RHOU: variants seen among roughly 807,000 people sequenced by gnomAD.
RHOU encodes rho-related GTP-binding protein RhoU.
RHOU carries 8 observed loss-of-function variants against 12.6 expected under a neutral mutation model. The ratio of observed to expected loss-of-function variants is 0.64; its 90% CI spans 0.37 to 1.15. The LOEUF is 1.15. Among genes scored for constraint, RHOU ranks in the 50% most tolerant of loss-of-function variants. The pLI is 0.01. For missense variants in RHOU, 258 were observed against 347.0 expected (o/e 0.74, Z 2.04); for synonymous variants, 161 against 147.4 (o/e 1.09, Z -0.67).
chr1:228,725,181 T>C, the RHOU span, among the ~76,000 whole-genome samples: 1 of 152,216 alleles, frequency 6.6e-6, no homozygotes, highest in African/African-American at 2.4e-5. Context: ...CTTCTTGGAA[T>C]ATGTGCAGGA....
the RHOU span, among the ~76,000 whole-genome samples, chr1:228,718,960 A>C: frequency 1.3e-5 from 2 of 152,342 alleles, no homozygotes; most frequent in African/African-American, 4.8e-5. Flanking sequence ...TGAGAGATCA[A>C]AAGGAAGTAT....
the RHOU span, among the ~76,000 whole-genome samples, chr1:228,717,897 G>A: frequency 2.0e-5 from 3 of 152,148 alleles, no homozygotes; most frequent in African/African-American, 7.2e-5. Flanking sequence ...AAAAATTCGG[G>A]TAATTCCATG....
the RHOU span, among the ~76,000 whole-genome samples, chr1:228,684,361 C>A: frequency 6.6e-6 from 1 of 150,714 alleles, no homozygotes; most frequent in African/African-American, 2.4e-5. Context: ...GACTAGGTCT[C>A]ATGTGTCATC....
the RHOU span, among the ~76,000 whole-genome samples, chr1:228,660,972 C>A: frequency 3.3e-5 from 5 of 149,932 alleles, no homozygotes; most frequent in African/African-American, 1.2e-4. Flanking sequence ...AGCTGATAAG[C>A]AACTTCAGCA....
chr1:228,743,214 A>G lies in RHOU; in HGVS notation c.322-71A>G, dbSNP rs41270191. 1 of 1,373,310 alleles carries G rather than the reference A, an allele frequency of 7.3e-7. No homozygotes were observed. The highest frequency in any genetic ancestry group is 1.0e-6 in the Non-Finnish European group (1 of 973,224). The allele number at this position is 1,373,310 out of a possible 1,614,324, so 85.1% of individuals were successfully genotyped here. On this transcript the variant is annotated intron_variant, in intron 2 of 2. Coordinates refer to ENST00000366691, the MANE Select transcript of RHOU (RefSeq NM_021205.6). This position sits in a 1 kb window ranked among gnomAD's most constrained non-coding sequence, Gnocchi z 5.1. The stretch of plus-strand genomic sequence containing the variant: ...CACCTGCCAGACCCTTTCATGAAAA[A>G]TGTGAAGGTGATCTTTTTACTGATG...
chr1:228,662,970 C>T, the RHOU span, among the ~76,000 whole-genome samples: 12 of 152,292 alleles, frequency 7.9e-5, no homozygotes, highest in East Asian at 2.3e-3. Context: ...TCTGGCTGCT[C>T]TTGGTGGATG....
At chr1:228,739,077 T>C (rs904089049) in intron 2 of RHOU, among the ~76,000 whole-genome samples, 2 of 152,024 alleles carry the variant, frequency 1.3e-5, no homozygotes, top group Admixed American at 1.3e-4. Flanking sequence ...GCTATGATGG[T>C]GCCACTGCAC....
At position 228,737,560 on chromosome 1, in the gene RHOU, A is replaced by G. The variant is rs1354890260; in HGVS notation, c.263-113A>G. ...TAGTCTTTAATTCATTAGAGGACCT[A>G]AAATAGGAGCAAAGGGGTTTGGAGT... is the stretch of plus-strand genomic sequence containing the variant. On this transcript the variant is annotated intron_variant, in intron 1 of 2. Transcript: ENST00000366691. This position sits in a 1 kb window ranked among gnomAD's most constrained non-coding sequence, Gnocchi z 4.1. The G allele has an allele frequency of 2.8e-6, 3 of 1,072,124 alleles. No homozygotes were observed. The highest frequency in any genetic ancestry group is 2.6e-5 in the South Asian group (2 of 75,948). The allele number at this position is 1,072,124 out of a possible 1,614,324, so 66.4% of individuals were successfully genotyped here. A position where few individuals can be genotyped will look rare whatever the true frequency, so the allele number is the denominator to read the frequency against.
chr1:228,713,828 G>GA, the RHOU span, among the ~76,000 whole-genome samples: 1 of 152,118 alleles, frequency 6.6e-6, no homozygotes, highest in East Asian at 1.9e-4. Flanking sequence ...CCAACTGTGG[G>GA]ATCTGACCCT....
At position 228,743,761 on chromosome 1, in the gene RHOU, A is replaced by G. The variant is rs199588595; in HGVS notation, c.*21A>G. The G allele has an allele frequency of 1.1e-4, 177 of 1,589,888 alleles. No individual in the cohort carries two copies. In the African/African-American group the frequency reaches 2.3e-3, roughly 20 times the overall value. On this transcript the variant is annotated 3_prime_UTR_variant, in exon 3 of 3. Transcript: ENST00000366691. The surrounding 1 kb of genome is among the most constrained non-coding windows in gnomAD (Gnocchi z 5.1). The stretch of plus-strand genomic sequence containing the variant: ...TATGATGCTGGCAAGACACCCAGAA[A>G]GGCTATTTTCAGATGAAATCGATAT...
intron 2 of RHOU, among the ~76,000 whole-genome samples, chr1:228,739,878 G>A (rs1662687692): frequency 6.6e-6 from 1 of 152,236 alleles, no homozygotes; most frequent in South Asian, 2.1e-4. Flanking sequence ...CGTGGTTTTA[G>A]AATGGATGAA....
chr1:228,670,766 C>G, the RHOU span, among the ~76,000 whole-genome samples: 604 of 152,262 alleles, frequency 4.0e-3, 4 homozygotes, highest in South Asian at 0.021. Context: ...GGACTTCTCC[C>G]TTGCCGTTCT....
the RHOU span, among the ~76,000 whole-genome samples, chr1:228,677,501 C>T: frequency 6.6e-6 from 1 of 151,076 alleles, no homozygotes; most frequent in East Asian, 1.9e-4. Flanking sequence ...ATACAGTCCC[C>T]CCCTTTTTTT....
chr1:228,650,356 G>A, the RHOU span: 28 of 461,166 alleles, frequency 6.1e-5, no homozygotes, highest in Non-Finnish European at 1.1e-4. Flanking sequence ...CGCCTTGAGC[G>A]TGCCTGGCTC....
At chr1:228,666,639 C>T in the RHOU span, among the ~76,000 whole-genome samples, 1 of 152,066 alleles carries the variant, frequency 6.6e-6, no homozygotes, top group Admixed American at 6.6e-5. Context: ...GGTGTGGCAG[C>T]CCCTGTTTGG....
the RHOU span, among the ~76,000 whole-genome samples, chr1:228,700,934 A>T: frequency 6.6e-6 from 1 of 151,932 alleles, no homozygotes; most frequent in Non-Finnish European, 1.5e-5. Flanking sequence ...AAAAAACACA[A>T]AAAAATTAGC....
At chr1:228,706,280 A>T in the RHOU span, among the ~76,000 whole-genome samples, 2 of 152,160 alleles carry the variant, frequency 1.3e-5, no homozygotes, top group East Asian at 3.8e-4. Context: ...TACTTTAGAG[A>T]TATTAAATTT....
the RHOU span, among the ~76,000 whole-genome samples, chr1:228,729,789 T>C: frequency 6.6e-6 from 1 of 152,378 alleles, no homozygotes; most frequent in African/African-American, 2.4e-5. Context: ...AATTAAGGAT[T>C]GATTTTTACA....
chr1:228,690,171 G>C, the RHOU span, among the ~76,000 whole-genome samples: 1 of 102,620 alleles, frequency 9.7e-6, no homozygotes, highest in Admixed American at 8.6e-5. Context: ...GATTTGTTTT[G>C]TTTGTTTGTT....
Sources: allele counts gnomAD v4.1 joint callset (sites outside exome capture counted in the v4.1 genomes callset), GRCh38; gene constraint gnomAD v4.1.1; non-coding constraint Gnocchi (gnomAD v3.1); transcripts MANE v1.5; gene names NCBI Gene and HGNC (gene_info 2026-07-23, HGNC 2026-07-21).